Variants in SEMA4F observed in about 807,000 individuals in gnomAD.
SEMA4F encodes the protein semaphorin-4F.
In SEMA4F, 51 loss-of-function variants were observed where a neutral mutation model predicts 78.4. That is an observed-to-expected ratio of 0.65 (90% CI 0.52 to 0.82). SEMA4F has a LOEUF of 0.82. Among genes scored for constraint, SEMA4F ranks in the 40% least tolerant of loss-of-function variants. The pLI, the probability that SEMA4F is intolerant of heterozygous loss-of-function variation, is 0.00. For synonymous variants in SEMA4F, 418 were observed against 408.7 expected (o/e 1.02, Z -0.27); for missense variants, 938 against 1,014.4 (o/e 0.92, Z 1.02).
chr2:74,688,453 T>C (rs187638535), downstream of SEMA4F, among the ~76,000 whole-genome samples: 95 of 152,292 alleles, frequency 6.2e-4, no homozygotes, highest in African/African-American at 2.1e-3. Flanking sequence ...TTCTTAATCA[T>C]AAATGAGCTT....
downstream of SEMA4F, among the ~76,000 whole-genome samples, chr2:74,687,906 T>C (rs1180080925): frequency 1.2e-4 from 18 of 152,302 alleles, no homozygotes; most frequent in African/African-American, 4.3e-4. Context: ...AGAATCAAAG[T>C]ATCCCTGGAA....
rs1211533497 is a variant in SEMA4F, at chr2:74,654,430, G to A, written c.54G>A (p.Ser18=). ...PRPGPGQPTA[S]PFPLLLLAVL... is the part of the protein sequence containing the mutation. ...CGGGTCCCGGGCAGCCTACAGCCTC[G>A]CCCTTCCCGCTACTGCTGCTGGCGG... Residue 18 remains serine, a synonymous_variant, in exon 1 of 14, where the codon TCG becomes TCA. Transcript: ENST00000357877. 5.8e-6 allele frequency: 9 copies of A among 1,563,178 alleles called. No individual in the cohort carries two copies. Among genetic ancestry groups the A allele is most frequent in the Non-Finnish European group, 3.4e-6 (4 of 1,160,926 alleles).
intron 12 of SEMA4F, among the ~76,000 whole-genome samples, chr2:74,677,448 T>C (rs1279348859): frequency 6.6e-6 from 1 of 152,212 alleles, no homozygotes; most frequent in Non-Finnish European, 1.5e-5. Flanking sequence ...AAAAAAACCA[T>C]ATTACCATTA....
At chr2:74,668,108 A>G (rs1465879046) in intron 5 of SEMA4F, among the ~76,000 whole-genome samples, 1 of 152,178 alleles carries the variant, frequency 6.6e-6, no homozygotes, top group Non-Finnish European at 1.5e-5. Flanking sequence ...CAAGCTAGAG[A>G]CAGCAGTCAG....
At position 74,679,956 on chromosome 2, in the gene SEMA4F, G is replaced by A. The variant is rs369671255; in HGVS notation, c.2060G>A (p.Arg687Gln). ...CTGATTGGTCGGCGTCAGCAGCGAC[G>A]GCGACAGAGGGAACTTCTGGCTAGA... is the stretch of plus-strand genomic sequence containing the variant. The part of the protein sequence containing the change: ...LILIGRRQQR[R>Q]RQRELLARDK... Residue 687 changes from arginine to glutamine, a missense_variant, in exon 14 of 14, where the codon CGG becomes CAG. Coordinates refer to ENST00000357877, the MANE Select transcript of SEMA4F (RefSeq NM_004263.5). 13 of 1,614,076 alleles carry A rather than the reference G, an allele frequency of 8.1e-6. No individual in the cohort carries two copies. The highest frequency in any genetic ancestry group is 1.6e-4 in the Middle Eastern group (1 of 6,084).
chr2:74,705,192 T>C, the SEMA4F span, among the ~76,000 whole-genome samples: 1 of 152,134 alleles, frequency 6.6e-6, no homozygotes, highest in Non-Finnish European at 1.5e-5. Flanking sequence ...ATACCCTGAG[T>C]AGGTGAGGAA....
At chr2:74,662,898 C>G (rs1684499788) in intron 5 of SEMA4F, 73 bp downstream of exon 5, 21 of 1,298,396 alleles carry the variant, frequency 1.6e-5, no homozygotes, top group Non-Finnish European at 2.4e-5. Context: ...GTTAGAATTT[C>G]TGTGTTCTTT....
rs1255433879 is a variant in SEMA4F, at chr2:74,680,770, C to A, written c.*561C>A. ...TAAATACATAGTGTTCATAAGAGAC[C>A]TGGCCACATGTGCATGAATGACTGG... On this transcript the variant is annotated 3_prime_UTR_variant, in exon 14 of 14. Coordinates refer to ENST00000357877, the MANE Select transcript of SEMA4F (RefSeq NM_004263.5). 1 of 152,424 alleles carries A rather than the reference C, an allele frequency of 6.6e-6. No homozygotes were observed. The highest frequency in any genetic ancestry group is 1.5e-5 in the Non-Finnish European group (1 of 68,284). 9.4% of individuals were successfully genotyped at this position (152,424 alleles called of 1,614,324 possible).
chr2:74,669,353 A>C (rs1684857623), intron 5 of SEMA4F, among the ~76,000 whole-genome samples: 1 of 152,000 alleles, frequency 6.6e-6, no homozygotes, highest in Non-Finnish European at 1.5e-5. Flanking sequence ...TGGTAGGCCG[A>C]GGTGGGCAGA....
chr2:74,703,634 A>G, the SEMA4F span, among the ~76,000 whole-genome samples: 4 of 152,220 alleles, frequency 2.6e-5, no homozygotes, highest in Non-Finnish European at 5.9e-5. Context: ...AAACAATCAC[A>G]ATAGCTTCAG....
chr2:74,671,472 C>G (rs146588317), intron 5 of SEMA4F, among the ~76,000 whole-genome samples: 274 of 152,348 alleles, frequency 1.8e-3, no homozygotes, highest in Middle Eastern at 3.4e-3. Context: ...GCACCCGCTT[C>G]CAGCACATCA....
chr2:74,655,254 A>G (rs1684067357), intron 1 of SEMA4F: 3 of 373,834 alleles, frequency 8.0e-6, no homozygotes, highest in Non-Finnish European at 1.6e-5. Context: ...TTCTGCTTAA[A>G]TGATTTTTCA....
At chr2:74,687,166 G>C (rs917241613), downstream of SEMA4F, among the ~76,000 whole-genome samples, 4 of 152,004 alleles carry the variant, frequency 2.6e-5, no homozygotes, top group African/African-American at 9.7e-5. Flanking sequence ...CCTCACTCAG[G>C]AGCAACAGCC....
rs1186734801 is a variant in SEMA4F, at chr2:74,654,442, A to G, written c.66A>G (p.Leu22=). The G allele has an allele frequency of 6.4e-7, 1 of 1,573,508 alleles. No homozygotes were observed. Among genetic ancestry groups the G allele is most frequent in the Admixed American group, 1.8e-5 (1 of 56,720 alleles). ...AGCCTACAGCCTCGCCCTTCCCGCT[A>G]CTGCTGCTGGCGGTGCTGAGCGGCC... is the stretch of plus-strand genomic sequence containing the variant. ...PGQPTASPFP[L]LLLAVLSGPV... is the part of the protein sequence containing the mutation. The change falls in exon 1 of 14, where the codon CTA becomes CTG. Residue 22 remains leucine, a synonymous_variant. Transcript: ENST00000357877.
the SEMA4F span, among the ~76,000 whole-genome samples, chr2:74,695,783 T>C: frequency 6.6e-6 from 1 of 152,206 alleles, no homozygotes; most frequent in African/African-American, 2.4e-5. Flanking sequence ...AGTAACCAGA[T>C]ATGAATTGTG....
chr2:74,655,405 C>T (rs1438630481), intron 1 of SEMA4F: 5 of 244,680 alleles, frequency 2.0e-5, no homozygotes, highest in Admixed American at 9.7e-5. Context: ...TGAGCATGGC[C>T]GTGGACCTTG....
At chr2:74,698,645 C>A in the SEMA4F span, among the ~76,000 whole-genome samples, 1 of 152,188 alleles carries the variant, frequency 6.6e-6, no homozygotes, top group South Asian at 2.1e-4. Flanking sequence ...TACTGCAATA[C>A]GAGTCATGCC....
downstream of SEMA4F, among the ~76,000 whole-genome samples, chr2:74,685,647 G>C (rs1035966715): frequency 3.9e-5 from 6 of 152,118 alleles, no homozygotes; most frequent in Non-Finnish European, 7.4e-5. Context: ...TCAAGTCCAT[G>C]CCCAGGGAGG....
At chr2:74,705,797 C>T in the SEMA4F span, among the ~76,000 whole-genome samples, 1 of 151,864 alleles carries the variant, frequency 6.6e-6, no homozygotes, top group Non-Finnish European at 1.5e-5. Flanking sequence ...AACTGCTGGT[C>T]TCAGGCAATC....
Sources: gnomAD v4.1 joint callset for allele counts (sites outside exome capture counted in the v4.1 genomes callset) on GRCh38, gnomAD v4.1.1 for gene constraint, MANE v1.5 for transcripts, NCBI Gene and HGNC (gene_info 2026-07-23, HGNC 2026-07-21) for gene names.